Variants in FRYL observed in about 807,000 individuals in gnomAD.
FRYL encodes the protein FRY like transcription coactivator, also known as protein furry homolog-like.
A neutral mutation model predicts 351.2 loss-of-function variants in FRYL; 150 were observed. The observed-to-expected ratio is 0.43, with a 90% CI of 0.37 to 0.49. FRYL has a LOEUF of 0.49. FRYL is among the 20% of genes least tolerant of loss of function. The pLI is 0.00. For missense variants in FRYL, 3,036 were observed against 3,619.3 expected (o/e 0.84, Z 4.13); for synonymous variants, 1,153 against 1,257.1 (o/e 0.92, Z 1.75).
intron 1 of FRYL, among the ~76,000 whole-genome samples, chr4:48,712,379 C>T (rs4330326): frequency 0.99 from 150,506 of 152,282 alleles, 74,395 homozygotes; most frequent in East Asian, 1. Context: ...TTAAAGGAGC[C>T]GATGGAGCTG....
At chr4:48,703,334 G>A (rs1766971209) in intron 2 of FRYL, among the ~76,000 whole-genome samples, 1 of 152,072 alleles carries the variant, frequency 6.6e-6, no homozygotes, top group South Asian at 2.1e-4. Context: ...TGAACAAATA[G>A]GCACCATCAC....
In FRYL at chr4:48,546,177, T is replaced by C; in HGVS notation, c.5169A>G (p.Gly1723=). The change falls in exon 42 of 64, where the codon GGA becomes GGG. Residue 1723 remains glycine (G), a synonymous_variant. Transcript: ENST00000358350. ...GATGTGAAATGGCAGCACTGTTATT[T>C]CCTAAGCTGATACTAGAAGAGGTAG... is the stretch of plus-strand genomic sequence containing the variant. ...SSSTSSSISL[G]NNSAAISHLH... is the part of the protein sequence containing the mutation. 9 of 1,613,802 alleles carry C rather than the reference T, an allele frequency of 5.6e-6. No individual in the cohort carries two copies. Among genetic ancestry groups the C allele is most frequent in the Non-Finnish European group, 7.6e-6 (9 of 1,179,838 alleles).
At chr4:48,531,037 C>T in intron 50 of FRYL, 119 bp downstream of exon 50, 1 of 696,504 alleles carries the variant, frequency 1.4e-6, no homozygotes, top group Non-Finnish European at 2.5e-6. Context: ...TTCATAACAG[C>T]TATCATATTG....
At position 48,531,266 on chromosome 4, in the gene FRYL, T is replaced by C. The variant is rs1727542497; in HGVS notation, c.6793A>G (p.Thr2265Ala). ...SLVVPSDIPKTYGGDTGSPEI... is the reference protein window; with the variant it reads ...SLVVPSDIPKAYGGDTGSPEI... ...GGAGAACCTGTATCTCCTCCATAGG[T>C]CTTGGGGATATCACTGGGTACGACA... The change falls in exon 50 of 64, where the codon ACC becomes GCC. Residue 2265 changes from threonine to alanine, a missense_variant. Transcript: ENST00000358350. 1 of 1,613,148 alleles carries C rather than the reference T, an allele frequency of 6.2e-7. No individual in the cohort carries two copies. The highest frequency in any genetic ancestry group is 8.5e-7 in the Non-Finnish European group (1 of 1,179,214).
chr4:48,541,822 C>T (rs567742146), intron 45 of FRYL, among the ~76,000 whole-genome samples: 1 of 152,270 alleles, frequency 6.6e-6, no homozygotes, highest in Admixed American at 6.5e-5. Context: ...CTAACCAGCA[C>T]ATTAGAAGAA....
intron 16 of FRYL, among the ~76,000 whole-genome samples, chr4:48,592,484 C>T (rs1402222078): frequency 6.6e-6 from 1 of 151,952 alleles, no homozygotes; most frequent in Admixed American, 6.6e-5. Flanking sequence ...CCCAGCAGAA[C>T]TGATTTTTTT....
At chr4:48,736,250 T>C (rs1771387471) in intron 1 of FRYL, among the ~76,000 whole-genome samples, 1 of 151,950 alleles carries the variant, frequency 6.6e-6, no homozygotes, top group Admixed American at 6.6e-5. Flanking sequence ...CTTAAATACA[T>C]ACATAGAAAA....
chr4:48,608,533 T>C (rs1173035422), intron 9 of FRYL, among the ~76,000 whole-genome samples: 1 of 152,184 alleles, frequency 6.6e-6, no homozygotes, highest in Non-Finnish European at 1.5e-5. Flanking sequence ...TTGAGTAATC[T>C]AGTATCTTTC....
chr4:48,632,092 A>ATATATATATATATATATATATATATG (rs1753203776), intron 4 of FRYL, among the ~76,000 whole-genome samples: 1 of 9,994 alleles, frequency 1.0e-4, no homozygotes, highest in Non-Finnish European at 2.8e-4. Flanking sequence ...AAAAAAAAAA[A>ATATATATATATATATATATATATATG]TATATATATA....
At position 48,584,652 on chromosome 4, in the gene FRYL, C is replaced by G. The variant is rs180787511; in HGVS notation, c.1749-1918G>C. On this transcript the variant is annotated intron_variant, in intron 19 of 63. Transcript: ENST00000358350. ...CATGAATATGTAAATATCTATCTTA[C>G]TCCTATCTGTGTGATACAGGGTATA... 4.6e-5 allele frequency among the ~76,000 whole-genome samples: 7 copies of G among 152,316 alleles called. No homozygotes were observed. The East Asian group carries it at 1.4e-3, about 29-fold the overall frequency.
chr4:48,717,082 T>C (rs62309749), intron 1 of FRYL, among the ~76,000 whole-genome samples: 1,264 of 123,690 alleles, frequency 0.01, 44 homozygotes, highest in Admixed American at 0.058. Context: ...CGAGAACATA[T>C]GGACACAGGA....
At chr4:48,535,612 C>CAT (rs1560555545) in intron 48 of FRYL, 45 bp downstream of exon 48, 35 of 1,214,124 alleles carry the variant, frequency 2.9e-5, no homozygotes, top group Non-Finnish European at 3.8e-5. Flanking sequence ...CACACACACA[C>CAT]ACATATATAT....
rs1479133402 is a variant in FRYL, at chr4:48,567,235, C to T, written c.3169+13G>A. 18 of 1,595,548 alleles carry T rather than the reference C, an allele frequency of 1.1e-5. No homozygotes were observed. The highest frequency in any genetic ancestry group is 1.4e-5 in the Non-Finnish European group (17 of 1,173,418). On this transcript the variant is annotated intron_variant, in intron 28 of 63. Coordinates refer to ENST00000358350, the MANE Select transcript of FRYL (RefSeq NM_015030.2). The surrounding 1 kb of genome is among the most constrained non-coding windows in gnomAD (Gnocchi z 4.2). ...TAATACTCAATAATGCTTTAAGAAA[C>T]TGAAAATAATACCTGGAACATTCTG... is the stretch of plus-strand genomic sequence containing the variant.
chr4:48,691,355 T>A (rs1765659883), intron 2 of FRYL, among the ~76,000 whole-genome samples: 1 of 152,082 alleles, frequency 6.6e-6, no homozygotes, highest in Admixed American at 6.5e-5. Flanking sequence ...TGAAAAAAAA[T>A]CATGGCACAT....
At chr4:48,611,079 T>A (rs955545229) in intron 7 of FRYL, among the ~76,000 whole-genome samples, 1 of 151,900 alleles carries the variant, frequency 6.6e-6, no homozygotes, top group African/African-American at 2.4e-5. Context: ...TACACAGTCA[T>A]CCTTCAGTAT....
chr4:48,511,452 G>A (rs1255229035), intron 57 of FRYL, among the ~76,000 whole-genome samples: 2 of 152,026 alleles, frequency 1.3e-5, no homozygotes, highest in East Asian at 1.9e-4. Flanking sequence ...CAGAGTCCAG[G>A]AATATTCATT....
chr4:48,716,708 G>T (rs1187967258), intron 1 of FRYL, among the ~76,000 whole-genome samples: 11 of 151,556 alleles, frequency 7.3e-5, no homozygotes, highest in Non-Finnish European at 1.5e-4. Context: ...GTGGAAGTCA[G>T]TGTGGCGATT....
chr4:48,565,697 A>T lies in FRYL; in HGVS notation c.3170-6T>A. 6.2e-7 allele frequency: 1 copy of T among 1,600,558 alleles called. No homozygotes were observed. The highest frequency in any genetic ancestry group is 1.3e-5 in the African/African-American group (1 of 74,094). On this transcript the variant is annotated splice_region_variant and splice_polypyrimidine_tract_variant and intron_variant, in intron 28 of 63. Coordinates refer to ENST00000358350, the MANE Select transcript of FRYL (RefSeq NM_015030.2). Reference sequence around the variant, plus strand: ...AATACTTCTTCTCTGGTGCACTGTGAATAAAAAAAGATAGAAAACATTTAT... The same window carrying T: ...AATACTTCTTCTCTGGTGCACTGTGTATAAAAAAAGATAGAAAACATTTAT...
At chr4:48,531,531 T>C (rs1727624126) in intron 49 of FRYL, among the ~76,000 whole-genome samples, 178 bp from the exon 50 acceptor site, 1 of 152,210 alleles carries the variant, frequency 6.6e-6, no homozygotes, top group Admixed American at 6.5e-5. Flanking sequence ...AAGTTATTAT[T>C]TGTACTGTTA....
Sources: allele counts gnomAD v4.1 joint callset (sites outside exome capture counted in the v4.1 genomes callset), GRCh38; gene constraint gnomAD v4.1.1; non-coding constraint Gnocchi (gnomAD v3.1); transcripts MANE v1.5; gene names NCBI Gene and HGNC (gene_info 2026-07-23, HGNC 2026-07-21).